TWIST2: variants seen among roughly 807,000 people sequenced by gnomAD.
The protein encoded by TWIST2 is twist family bHLH transcription factor 2.
Under a neutral mutation model 11.6 loss-of-function variants are expected in TWIST2, and 1 was observed. That is an observed-to-expected ratio of 0.09 (90% confidence interval 0.03 to 0.41). The LOEUF (loss-of-function observed/expected upper bound fraction) is 0.41. Among genes scored for constraint, TWIST2 ranks in the 10% least tolerant of loss-of-function variants. TWIST2 has a pLI of 0.98. For missense variants in TWIST2, 168 were observed against 226.4 expected (o/e 0.74, Z 1.66); for synonymous variants, 87 against 96.6 (o/e 0.90, Z 0.58).
chr2:238,909,102 G>GTGTGCT (rs1553572985), intron 1 of TWIST2, among the ~76,000 whole-genome samples: 1,343 of 19,678 alleles, frequency 0.068, 43 homozygotes, highest in East Asian at 0.091. Flanking sequence ...TGGTATGTTT[G>GTGTGCT]GTGTGTGTGT....
chr2:238,902,293 T>C, intron 1 of TWIST2, among the ~76,000 whole-genome samples: 2 of 150,052 alleles, frequency 1.3e-5, no homozygotes, highest in Middle Eastern at 7.1e-3. Flanking sequence ...GTATGTGTGA[T>C]ATGGAGTATG....
intron 1 of TWIST2, among the ~76,000 whole-genome samples, chr2:238,877,405 C>G (rs1692826388): frequency 6.6e-6 from 1 of 151,960 alleles, no homozygotes; most frequent in Admixed American, 6.5e-5. Flanking sequence ...CTACTAAGAA[C>G]CTTGCTGTCT....
intron 1 of TWIST2, among the ~76,000 whole-genome samples, chr2:238,882,928 A>T (rs1692963860): frequency 6.6e-6 from 1 of 152,028 alleles, no homozygotes; most frequent in African/African-American, 2.4e-5. Flanking sequence ...CCCTGGATGG[A>T]TGTAGGTCAG....
intron 1 of TWIST2, among the ~76,000 whole-genome samples, chr2:238,869,807 G>A (rs1315589365): frequency 1.3e-5 from 2 of 152,126 alleles, no homozygotes; most frequent in East Asian, 1.9e-4. Flanking sequence ...AAGTAGCAGG[G>A]TGTGGCGGCC....
chr2:238,867,507 G>A lies in TWIST2; in HGVS notation c.*35+18774G>A, dbSNP rs953897550. On this transcript the variant is annotated intron_variant, in intron 1 of 1. Coordinates refer to ENST00000612363, the MANE Select transcript of TWIST2 (RefSeq NM_001271893.4). This position sits in a 1 kb window ranked among gnomAD's most constrained non-coding sequence, Gnocchi z 4.8. ...GAAGTCCCAGCCAGCTCCCGGGGTG[G>A]TGTGGGCTGAGGAAGAGGCTGGGAG... Among the ~76,000 whole-genome samples, 1 of 152,134 alleles carries A rather than the reference G, an allele frequency of 6.6e-6. No homozygotes were observed. Among genetic ancestry groups the A allele is most frequent in the South Asian group, 2.1e-4 (1 of 4,824 alleles).
In TWIST2 at chr2:238,880,317, G is replaced by A. The variant is rs74195422; in HGVS notation, c.*36-29525G>A. 2.5e-3 allele frequency among the ~76,000 whole-genome samples: 332 copies of A among 133,264 alleles called. 3 individuals carry two copies. Among genetic ancestry groups the A allele is most frequent in the Admixed American group, 0.024 (284 of 12,018 alleles). 87.4% of individuals were successfully genotyped at this position (133,264 alleles called of 152,430 possible). On this transcript the variant is annotated intron_variant, in intron 1 of 1. Coordinates refer to ENST00000612363, the MANE Select transcript of TWIST2 (RefSeq NM_001271893.4). ...AGTGTTATTGTTAGTGTTAGTGTTG[G>A]TATTTATTATTATTAGTGTTAGTGT...
chr2:238,865,783 G>A (rs1159607004), intron 1 of TWIST2, among the ~76,000 whole-genome samples: 7 of 151,960 alleles, frequency 4.6e-5, no homozygotes. Context: ...TATACGTGGT[G>A]CCAGTGAATA....
At chr2:238,871,368 T>A (rs1242237098) in intron 1 of TWIST2, among the ~76,000 whole-genome samples, 1 of 16,192 alleles carries the variant, frequency 6.2e-5, no homozygotes, top group Non-Finnish European at 1.1e-4. Flanking sequence ...CAGTACACAC[T>A]ACACACAAAC....
At chr2:238,875,354 G>C (rs1692784543) in intron 1 of TWIST2, among the ~76,000 whole-genome samples, 1 of 151,862 alleles carries the variant, frequency 6.6e-6, no homozygotes. Context: ...CCTCTTCCAA[G>C]ACTCCTCCAA....
At position 238,864,553 on chromosome 2, in the gene TWIST2, G is replaced by C. The variant is rs1391090392; in HGVS notation, c.*35+15820G>C. ...CGCGCCCCACCCGGCCCCCAGGCCA[G>C]GTCAGCCTGGGGAGGGGAGAACTAA... On this transcript the variant is annotated intron_variant, in intron 1 of 1. Coordinates refer to ENST00000612363, the MANE Select transcript of TWIST2 (RefSeq NM_001271893.4). This position sits in a 1 kb window ranked among gnomAD's most constrained non-coding sequence, Gnocchi z 4.7. 6.6e-6 allele frequency among the ~76,000 whole-genome samples: 1 copy of C among 151,852 alleles called. No homozygotes were observed. The highest frequency in any genetic ancestry group is 1.9e-4 in the East Asian group (1 of 5,136).
At chr2:238,899,180 C>T (rs940077816) in intron 1 of TWIST2, among the ~76,000 whole-genome samples, 4 of 152,254 alleles carry the variant, frequency 2.6e-5, no homozygotes, top group African/African-American at 7.2e-5. Flanking sequence ...TTGGTCTGCA[C>T]GGTCCCCGCA....
intron 1 of TWIST2, among the ~76,000 whole-genome samples, chr2:238,870,652 C>T (rs1450178705): frequency 3.1e-5 from 2 of 65,288 alleles, no homozygotes; most frequent in African/African-American, 1.5e-4. Context: ...ACACAGCACA[C>T]ACCACACACA....
chr2:238,868,426 G>A (rs149453956), intron 1 of TWIST2, among the ~76,000 whole-genome samples: 22 of 152,202 alleles, frequency 1.4e-4, no homozygotes, highest in Admixed American at 1.4e-3. Flanking sequence ...TGCCCACTTC[G>A]GACAGGGGCA....
At chr2:238,849,566 C>T (rs1692205197) in intron 1 of TWIST2, among the ~76,000 whole-genome samples, 1 of 152,158 alleles carries the variant, frequency 6.6e-6, no homozygotes, top group Admixed American at 6.5e-5. Context: ...GGAGGGGCCC[C>T]GCCCATCCAG....
chr2:238,853,147 A>G (rs768621604), intron 1 of TWIST2, among the ~76,000 whole-genome samples: 2 of 152,326 alleles, frequency 1.3e-5, no homozygotes, highest in Non-Finnish European at 2.9e-5. Flanking sequence ...ATTTATTCCT[A>G]TACTAATAAA....
At chr2:238,857,893 C>T (rs147325569) in intron 1 of TWIST2, among the ~76,000 whole-genome samples, 27,442 of 152,026 alleles carry the variant, frequency 0.18, 2,641 homozygotes, top group East Asian at 0.36. Context: ...GCTGAGATCG[C>T]GCCACTGCAC....
intron 1 of TWIST2, among the ~76,000 whole-genome samples, chr2:238,897,614 G>C (rs1022709391): frequency 3.9e-5 from 6 of 152,212 alleles, no homozygotes; most frequent in African/African-American, 1.4e-4. Context: ...CTTAGAGCTC[G>C]CAGTGCAGAT....
intron 1 of TWIST2, among the ~76,000 whole-genome samples, chr2:238,870,835 C>CA (rs1692674411): frequency 4.2e-5 from 2 of 47,572 alleles, no homozygotes; most frequent in East Asian, 4.3e-4. Context: ...ACACACCACA[C>CA]CCCCACACGC....
Position 238,867,688 on chromosome 2 carries a change from A to G in TWIST2, c.*35+18955A>G, listed in dbSNP as rs1161923598. Reference sequence around the variant, plus strand: ...GGGGCACAGGCTGGATGCAAGGCAGATGCCACATGGAACCCTTAGGTATTG... The same window carrying G: ...GGGGCACAGGCTGGATGCAAGGCAGGTGCCACATGGAACCCTTAGGTATTG... On this transcript the variant is annotated intron_variant, in intron 1 of 1. Coordinates refer to ENST00000612363, the MANE Select transcript of TWIST2 (RefSeq NM_001271893.4). The surrounding 1 kb of genome is among the most constrained non-coding windows in gnomAD (Gnocchi z 4.8). Among the ~76,000 whole-genome samples, 1 of 152,230 alleles carries G rather than the reference A, an allele frequency of 6.6e-6. No homozygotes were observed. Among genetic ancestry groups the G allele is most frequent in the Non-Finnish European group, 1.5e-5 (1 of 68,042 alleles).
Sources: gnomAD v4.1 joint callset for allele counts (sites outside exome capture counted in the v4.1 genomes callset) on GRCh38, gnomAD v4.1.1 for gene constraint, Gnocchi (gnomAD v3.1) non-coding constraint, MANE v1.5 for transcripts, NCBI Gene and HGNC (gene_info 2026-07-23, HGNC 2026-07-21) for gene names.